The following RASSF6 variants were observed in gnomAD, a reference collection of about 807,000 sequenced individuals.
RASSF6 encodes the protein ras association domain-containing protein 6.
In RASSF6, 52 loss-of-function variants were observed where a neutral mutation model predicts 44.0. That is an observed-to-expected ratio of 1.18 (90% confidence interval 0.95 to 1.49). The LOEUF (loss-of-function observed/expected upper bound fraction) is 1.49, where lower values mean the gene tolerates loss of function less well. Ranked by LOEUF, RASSF6 falls within the 40% of genes most tolerant of loss-of-function variation. RASSF6 has a pLI of 0.00. For missense variants in RASSF6, 464 were observed against 393.3 expected (o/e 1.18, Z -1.52); for synonymous variants, 162 against 124.6 (o/e 1.30, Z -2.00).
At position 73,573,101 on chromosome 4, in the gene RASSF6, A is replaced by G. The variant is rs1723001124; in HGVS notation, c.*3134T>C. ...GGAAACAGAATTTTAATGGCTACAT[A>G]ACAATATACAAATAAATGTTTATTT... is the stretch of plus-strand genomic sequence containing the variant. On this transcript the variant is annotated 3_prime_UTR_variant, in exon 11 of 11. Transcript: ENST00000307439. 1.3e-5 allele frequency: 2 copies of G among 152,068 alleles called. No homozygotes were observed. The allele number at this position is 152,068 out of a possible 1,614,324, so 9.4% of individuals were successfully genotyped here. A position where few individuals can be genotyped will look rare whatever the true frequency, so the allele number is the denominator to read the frequency against.
intron 5 of RASSF6, among the ~76,000 whole-genome samples, chr4:73,586,623 T>A (rs1489858518): frequency 6.6e-6 from 1 of 152,010 alleles, no homozygotes. Context: ...TTTTAAAAAA[T>A]TTTCTACTGT....
chr4:73,587,885 C>T lies in RASSF6; in HGVS notation c.337G>A (p.Asp113Asn), dbSNP rs1724222571. ...FDDLYRISEL[D>N]RTQIPMSEKR... ...TCAGACATAGGAATCTGGGTCCTGT[C>T]CAGCTCACTAATACGATAGAGATCG... Residue 113 changes from aspartate to asparagine, a missense_variant, in exon 5 of 11, where the codon GAC becomes AAC. By Grantham distance (23) the Asp-to-Asn change is conservative. Coordinates refer to ENST00000307439, the MANE Select transcript of RASSF6 (RefSeq NM_177532.5). 6.2e-7 allele frequency: 1 copy of T among 1,610,410 alleles called. No individual in the cohort carries two copies. The highest frequency in any genetic ancestry group is 1.3e-5 in the African/African-American group (1 of 74,772).
intron 2 of RASSF6, among the ~76,000 whole-genome samples, chr4:73,601,118 G>A (rs1454377657): frequency 6.6e-6 from 1 of 152,200 alleles, no homozygotes; most frequent in African/African-American, 2.4e-5. Flanking sequence ...AGTAGAGTAT[G>A]AGCAGCCTTT....
intron 8 of RASSF6, among the ~76,000 whole-genome samples, chr4:73,580,569 C>T (rs1236640643): frequency 6.7e-6 from 1 of 149,930 alleles, no homozygotes; most frequent in Non-Finnish European, 1.5e-5. Flanking sequence ...GCCATTCTAA[C>T]TGGTGTGAGA....
intron 1 of RASSF6, among the ~76,000 whole-genome samples, chr4:73,617,983 C>A (rs1726465468): frequency 2.6e-5 from 4 of 152,118 alleles, no homozygotes; most frequent in Admixed American, 2.6e-4. Context: ...AATGGACTGT[C>A]AGCATTGGGT....
chr4:73,583,852 C>T (rs757160782), intron 6 of RASSF6, among the ~76,000 whole-genome samples: 5 of 152,092 alleles, frequency 3.3e-5, no homozygotes, highest in Non-Finnish European at 5.9e-5. Context: ...ATGAAACTTG[C>T]TCAGCAAGAA....
intron 6 of RASSF6, among the ~76,000 whole-genome samples, chr4:73,583,891 C>T (rs1723866532): frequency 6.6e-6 from 1 of 152,078 alleles, no homozygotes; most frequent in Admixed American, 6.6e-5. Context: ...AGCTCCAGGG[C>T]CCAAGCATTT....
chr4:73,589,674 A>G (rs1487774409), intron 4 of RASSF6, among the ~76,000 whole-genome samples: 1 of 152,134 alleles, frequency 6.6e-6, no homozygotes, highest in African/African-American at 2.4e-5. Context: ...AACTGTGCAC[A>G]TGACTAAGCT....
At chr4:73,592,559 G>A (rs1319448261) in intron 4 of RASSF6, among the ~76,000 whole-genome samples, 1 of 152,166 alleles carries the variant, frequency 6.6e-6, no homozygotes, top group Non-Finnish European at 1.5e-5. Flanking sequence ...AACTTGTAAA[G>A]GGGTAAGGAA....
intron 2 of RASSF6, among the ~76,000 whole-genome samples, chr4:73,608,153 A>G (rs1448267975): frequency 6.6e-6 from 1 of 150,866 alleles, no homozygotes; most frequent in African/African-American, 2.4e-5. Flanking sequence ...GCATCCAGAA[A>G]TTGAAATAAA....
At chr4:73,607,729 TA>T (rs142866869) in intron 2 of RASSF6, among the ~76,000 whole-genome samples, 145,296 of 147,256 alleles carry the variant, frequency 0.99, 71,714 homozygotes, top group Middle Eastern at 1. Flanking sequence ...ATCTTTCTTT[TA>T]AAGAACCCTC....
intron 8 of RASSF6, among the ~76,000 whole-genome samples, chr4:73,580,215 T>C (rs1450793304): frequency 1.3e-5 from 2 of 152,044 alleles, no homozygotes; most frequent in East Asian, 3.9e-4. Flanking sequence ...TCATTTTTTA[T>C]GGATGCATAG....
intron 8 of RASSF6, among the ~76,000 whole-genome samples, chr4:73,578,177 C>T (rs1056012951): frequency 6.6e-6 from 1 of 152,102 alleles, no homozygotes; most frequent in African/African-American, 2.4e-5. Flanking sequence ...AAACAACACG[C>T]TTGTTCGTTC....
chr4:73,598,301 G>A (rs1371411402), intron 3 of RASSF6, among the ~76,000 whole-genome samples: 1 of 152,126 alleles, frequency 6.6e-6, no homozygotes, highest in Non-Finnish European at 1.5e-5. Context: ...TGATAGAGAT[G>A]TCTTCAATTT....
Position 73,576,462 on chromosome 4 carries a change from G to A in RASSF6, c.886C>T (p.Leu296Phe), listed in dbSNP as rs1331570597. Residue 296 changes from leucine (L) to phenylalanine (F), a missense_variant, in exon 10 of 11, where the codon CTT becomes TTT. By Grantham distance (22) the Leu-to-Phe change is conservative (BLOSUM62 0). Coordinates refer to ENST00000307439, the MANE Select transcript of RASSF6 (RefSeq NM_177532.5). ...TTCTCTTCTTCATTTAATCTTTGAA[G>A]AATGGATTCCAAGAGAGAAAAGTGA... ...NFHFSLLESI[L>F]QRLNEEEKRE... 6.3e-7 allele frequency: 1 copy of A among 1,584,182 alleles called. No homozygotes were observed. Among genetic ancestry groups the A allele is most frequent in the Non-Finnish European group, 8.6e-7 (1 of 1,162,558 alleles).
intron 4 of RASSF6, among the ~76,000 whole-genome samples, chr4:73,589,523 C>T (rs997969346): frequency 1.3e-5 from 2 of 151,978 alleles, no homozygotes; most frequent in Middle Eastern, 3.4e-3. Flanking sequence ...GACGTGACAG[C>T]TTAGTTTTGT....
intron 2 of RASSF6, chr4:73,604,150 A>G (rs1411484208): frequency 3.3e-5 from 5 of 152,196 alleles, no homozygotes; most frequent in African/African-American, 9.7e-5. Context: ...GACTTGCTGA[A>G]AAATGTTCAT....
rs148481208 is a variant in RASSF6 at position 73,618,327 on chromosome 4, A to G, written c.-35+1961T>C. Among the ~76,000 whole-genome samples the G allele has an allele frequency of 1.4e-3, 212 of 152,290 alleles. 1 individual carries two copies. Among genetic ancestry groups the G allele is most frequent in the African/African-American group, 4.6e-3 (192 of 41,580 alleles). ...TATCTATCTATCTATCTATCTAAAC[A>G]GATTTTAACTAGAAAGACTTCCACC... On this transcript the variant is annotated intron_variant, in intron 1 of 10. Transcript: ENST00000307439.
chr4:73,606,141 A>C (rs1725608187), intron 2 of RASSF6, among the ~76,000 whole-genome samples: 1 of 152,254 alleles, frequency 6.6e-6, no homozygotes, highest in Admixed American at 6.5e-5. Context: ...ACTATTCACA[A>C]TAGCAAAGAC....
Sources: gnomAD v4.1 joint callset for allele counts (sites outside exome capture counted in the v4.1 genomes callset) on GRCh38, gnomAD v4.1.1 for gene constraint, MANE v1.5 for transcripts, NCBI Gene and HGNC (gene_info 2026-07-23, HGNC 2026-07-21) for gene names.